The following DYNC2I1 variants were observed in gnomAD, a reference collection of about 807,000 sequenced individuals.
DYNC2I1 encodes dynein 2 intermediate chain 1.
DYNC2I1 carries 89 observed loss-of-function variants against 133.4 expected under a neutral mutation model. The observed-to-expected ratio is 0.67, with a 90% CI of 0.56 to 0.80. The LOEUF (loss-of-function observed/expected upper bound fraction) is 0.80. Ranked by LOEUF, DYNC2I1 falls within the 30% of genes least tolerant of loss-of-function variation. The pLI is 0.00. For missense variants in DYNC2I1, 1,291 were observed against 1,314.5 expected, an observed-to-expected ratio of 0.98 and a Z score of 0.28; for synonymous variants, 504 against 484.3, an observed-to-expected ratio of 1.04 and a Z score of -0.54.
rs150871010 is a variant in DYNC2I1 at position 158,897,058 on chromosome 7, G to A, written c.1060-4681G>A. 9.3e-3 allele frequency among the ~76,000 whole-genome samples: 1,386 copies of A among 148,462 alleles called. 26 individuals carry two copies. Among genetic ancestry groups the A allele is most frequent in the African/African-American group, 0.033 (1,312 of 40,098 alleles). ...AAGTGCAGTGGCACGGTCTCAGATC[G>A]CTGCAGCCTCCACCTCCTGGGTTCA... On this transcript the variant is annotated intron_variant, in intron 8 of 24. Transcript: ENST00000407559.
At chr7:158,924,750 A>C (rs1308676411) in intron 17 of DYNC2I1, among the ~76,000 whole-genome samples, 1 of 152,192 alleles carries the variant, frequency 6.6e-6, no homozygotes, top group Non-Finnish European at 1.5e-5. Flanking sequence ...ATTCCATTAA[A>C]ATACATCCTT....
the DYNC2I1 span, among the ~76,000 whole-genome samples, chr7:158,847,148 T>G: frequency 1.3e-5 from 2 of 152,208 alleles, no homozygotes; most frequent in African/African-American, 4.8e-5. Flanking sequence ...TTTGGTAAAT[T>G]TAATCTCAAA....
At chr7:158,865,065 C>G (rs1050590563) in intron 1 of DYNC2I1, among the ~76,000 whole-genome samples, 13 of 152,148 alleles carry the variant, frequency 8.5e-5, no homozygotes, top group Non-Finnish European at 8.8e-5. Flanking sequence ...GCGCGGAAGC[C>G]CTCACACCCA....
intron 14 of DYNC2I1, among the ~76,000 whole-genome samples, chr7:158,918,254 G>A (rs1394153203): frequency 1.3e-5 from 2 of 152,138 alleles, no homozygotes; most frequent in Non-Finnish European, 2.9e-5. Context: ...TTAGTTCTCA[G>A]GAACATTTCC....
At chr7:158,930,548 A>T in intron 21 of DYNC2I1, 33 bp downstream of exon 21, 1 of 1,582,276 alleles carries the variant, frequency 6.3e-7, no homozygotes, top group Non-Finnish European at 8.7e-7. Flanking sequence ...TCACTATCTC[A>T]CAAAGACCTA....
intron 1 of DYNC2I1, chr7:158,869,532 C>T (rs999719650): frequency 2.0e-6 from 1 of 492,020 alleles, no homozygotes; most frequent in African/African-American, 2.0e-5. Context: ...CAGTCTGACA[C>T]AAGATATTTT....
intron 4 of DYNC2I1, among the ~76,000 whole-genome samples, chr7:158,878,217 T>TC (rs1843564529): frequency 7.3e-5 from 3 of 41,154 alleles, no homozygotes; most frequent in African/African-American, 1.9e-4. Context: ...TGCCGGGTGC[T>TC]GTGTGGGGAG....
At chr7:158,941,232 A>G (rs1435489133) in intron 23 of DYNC2I1, among the ~76,000 whole-genome samples, 1 of 152,250 alleles carries the variant, frequency 6.6e-6, no homozygotes, top group East Asian at 1.9e-4. Flanking sequence ...ATTTGATTTT[A>G]TGAAAATTTC....
chr7:158,846,021 A>G, the DYNC2I1 span, among the ~76,000 whole-genome samples: 1 of 152,212 alleles, frequency 6.6e-6, no homozygotes, highest in South Asian at 2.1e-4. Flanking sequence ...GCACTCTGGG[A>G]GGCCACGGCA....
chr7:158,902,648 T>A, intron 10 of DYNC2I1, 53 bp downstream of exon 10: 5 of 1,497,138 alleles, frequency 3.3e-6, no homozygotes, highest in Non-Finnish European at 4.6e-6. Flanking sequence ...CTCTGTGTAC[T>A]GAGCCCTCAC....
At chr7:158,957,589 G>A (rs1162805828), downstream of DYNC2I1, among the ~76,000 whole-genome samples, 1 of 152,108 alleles carries the variant, frequency 6.6e-6, no homozygotes, top group Non-Finnish European at 1.5e-5. Context: ...ATGAGGAACC[G>A]GCCCCTCTTC....
Position 158,856,569 on chromosome 7 carries a change from C to G in DYNC2I1, c.-167C>G, listed in dbSNP as rs2657386. The stretch of plus-strand genomic sequence containing the variant: ...TGCGCAGGCGCACTGGGAGAGGCCG[C>G]AGGGCACGCTGGGCAGTGCTTCTGG... On this transcript the variant is annotated 5_prime_UTR_variant, in exon 1 of 25. Transcript: ENST00000407559. The G allele has an allele frequency of 3.0e-6, 2 of 659,208 alleles. No homozygotes were observed. Among genetic ancestry groups the G allele is most frequent in the Middle Eastern group, 4.5e-4 (1 of 2,240 alleles). The allele number at this position is 659,208 out of a possible 1,614,324, so 40.8% of individuals were successfully genotyped here.
intron 5 of DYNC2I1, among the ~76,000 whole-genome samples, chr7:158,882,195 G>C (rs1430197824): frequency 1.3e-5 from 2 of 152,178 alleles, no homozygotes; most frequent in Non-Finnish European, 2.9e-5. Flanking sequence ...TCTAGGTGCT[G>C]AGGATACAGC....
chr7:158,900,530 C>T (rs1431734128), intron 8 of DYNC2I1, among the ~76,000 whole-genome samples: 1 of 152,066 alleles, frequency 6.6e-6, no homozygotes, highest in African/African-American at 2.4e-5. Context: ...ATATAAGATG[C>T]CTAGGTGTAG....
chr7:158,869,174 G>C (rs891010680), intron 1 of DYNC2I1, among the ~76,000 whole-genome samples: 8 of 152,094 alleles, frequency 5.3e-5, no homozygotes, highest in Non-Finnish European at 8.8e-5. Context: ...GGCTGTGAGG[G>C]ACCCCTCTGG....
chr7:158,893,227 C>T (rs146124016), intron 8 of DYNC2I1, among the ~76,000 whole-genome samples: 75 of 152,232 alleles, frequency 4.9e-4, no homozygotes, highest in Non-Finnish European at 8.4e-4. Context: ...CCCTGTGCTC[C>T]GGCTGTTCAT....
At chr7:158,853,743 C>A (rs1478398082), upstream of DYNC2I1, among the ~76,000 whole-genome samples, 1 of 151,638 alleles carries the variant, frequency 6.6e-6, no homozygotes, top group Non-Finnish European at 1.5e-5. Flanking sequence ...CAACCTCCCA[C>A]TCCTGGGTTC....
At chr7:158,903,472 AAT>A (rs1409847525) in intron 10 of DYNC2I1, 8 of 152,248 alleles carry the variant, frequency 5.3e-5, no homozygotes, top group Non-Finnish European at 1.0e-4. Context: ...GTTAGTAATT[AAT>A]ATGATGCACT....
chr7:158,880,361 A>AC (rs1376450349), intron 5 of DYNC2I1, among the ~76,000 whole-genome samples: 1 of 151,990 alleles, frequency 6.6e-6, no homozygotes, highest in Non-Finnish European at 1.5e-5. Flanking sequence ...ACATGGTGAA[A>AC]CCCCGTCTCT....
Sources: allele counts gnomAD v4.1 joint callset (sites outside exome capture counted in the v4.1 genomes callset), GRCh38; gene constraint gnomAD v4.1.1; transcripts MANE v1.5; gene names NCBI Gene and HGNC (gene_info 2026-07-23, HGNC 2026-07-21).